Variants in KDM5B observed in about 807,000 individuals in gnomAD.
The protein encoded by KDM5B is lysine demethylase 5B.
Under a neutral mutation model 193.4 loss-of-function variants are expected in KDM5B, and 144 were observed. The ratio of observed to expected loss-of-function variants is 0.74; its 90% CI spans 0.65 to 0.86. The LOEUF (loss-of-function observed/expected upper bound fraction) is 0.86, where lower values mean the gene tolerates loss of function less well. Ranked by LOEUF, KDM5B falls within the 40% of genes least tolerant of loss-of-function variation. KDM5B has a pLI of 0.00. For synonymous variants in KDM5B, 668 were observed against 682.6 expected, an observed-to-expected ratio of 0.98 and a Z score of 0.33; for missense variants, 1,833 against 1,886.9, an observed-to-expected ratio of 0.97 and a Z score of 0.53.
At chr1:202,760,273 G>A in intron 8 of KDM5B, 142 bp downstream of exon 8, 1 of 572,502 alleles carries the variant, frequency 1.7e-6, no homozygotes, top group Non-Finnish European at 2.9e-6. Flanking sequence ...CCATGTTTGT[G>A]CCACTGCACT....
chr1:202,755,564 AG>A (rs1396270646), intron 10 of KDM5B, 112 bp from the exon 11 acceptor site: 1 of 845,828 alleles, frequency 1.2e-6, no homozygotes, highest in Non-Finnish European at 1.8e-6. Flanking sequence ...GTGGAAGAGG[AG>A]GGGCCACCAT....
intron 20 of KDM5B, among the ~76,000 whole-genome samples, chr1:202,736,606 G>A (rs576674448): frequency 1.3e-5 from 2 of 151,950 alleles, no homozygotes; most frequent in South Asian, 4.2e-4. Context: ...AGAGAACCTA[G>A]TTTGGGTCTT....
intron 1 of KDM5B, among the ~76,000 whole-genome samples, chr1:202,791,365 T>C (rs989707851): frequency 7.2e-5 from 11 of 152,190 alleles, no homozygotes; most frequent in African/African-American, 2.7e-4. Flanking sequence ...GAGTTGAGAC[T>C]TCAGAAATAT....
At chr1:202,761,824 C>CA (rs1478511858) in intron 7 of KDM5B, among the ~76,000 whole-genome samples, 1 of 152,180 alleles carries the variant, frequency 6.6e-6, no homozygotes, top group African/African-American at 2.4e-5. Flanking sequence ...TGCGGCACAT[C>CA]CTTATGGCAG....
At chr1:202,754,788 GATT>G (rs1239116900) in intron 11 of KDM5B, among the ~76,000 whole-genome samples, 33 of 152,308 alleles carry the variant, frequency 2.2e-4, no homozygotes, top group African/African-American at 7.7e-4. Context: ...AGGATCAAGT[GATT>G]CTCCTCCCTC....
At chr1:202,732,079 A>G in intron 23 of KDM5B, 140 bp from the exon 24 acceptor site, 1 of 606,034 alleles carries the variant, frequency 1.7e-6, no homozygotes, top group Non-Finnish European at 2.8e-6. Flanking sequence ...TCCCCTACTG[A>G]AGAGTCTCCT....
At chr1:202,789,600 A>AAGGGGAAAGGGTAGGGG (rs1657557163) in intron 1 of KDM5B, among the ~76,000 whole-genome samples, 2 of 916 alleles carry the variant, frequency 2.2e-3, no homozygotes, top group Non-Finnish European at 4.6e-3. Flanking sequence ...GAGGAAAGGG[A>AAGGGGAAAGGGTAGGGG]AGGGGAAAGG....
At chr1:202,785,407 T>C (rs1339818700) in intron 1 of KDM5B, among the ~76,000 whole-genome samples, 1 of 152,180 alleles carries the variant, frequency 6.6e-6, no homozygotes, top group Non-Finnish European at 1.5e-5. Flanking sequence ...CCATTTACCT[T>C]TACCTTGTAC....
chr1:202,774,432 G>T (rs541317551), intron 3 of KDM5B, among the ~76,000 whole-genome samples, 181 bp downstream of exon 3: 2 of 152,132 alleles, frequency 1.3e-5, no homozygotes, highest in African/African-American at 4.8e-5. Context: ...TGTAAACACA[G>T]GGTTTCCTTA....
intron 20 of KDM5B, among the ~76,000 whole-genome samples, chr1:202,738,055 G>A (rs1481588920): frequency 6.6e-6 from 1 of 152,118 alleles, no homozygotes; most frequent in Non-Finnish European, 1.5e-5. Flanking sequence ...GCAGAATACT[G>A]CATAACATTT....
Position 202,740,076 on chromosome 1 carries a change from C to T in KDM5B, c.3084+598G>A, listed in dbSNP as rs1177520072. ...CCGGGCAGAGGCGCCCCTCACCTCCCGGACGGGGCGGCTGGCCGGGCATGG... is the reference window on the plus strand; with the variant it reads ...CCGGGCAGAGGCGCCCCTCACCTCCTGGACGGGGCGGCTGGCCGGGCATGG... On this transcript the variant is annotated intron_variant, in intron 20 of 26. Coordinates refer to ENST00000367265, the MANE Select transcript of KDM5B (RefSeq NM_006618.5). 9.9e-5 allele frequency among the ~76,000 whole-genome samples: 15 copies of T among 151,908 alleles called. 2 individuals are homozygous for T. The highest frequency in any genetic ancestry group is 3.6e-4 in the African/African-American group (15 of 41,436).
intron 8 of KDM5B, among the ~76,000 whole-genome samples, chr1:202,759,820 A>C (rs1156560471): frequency 1.3e-5 from 2 of 152,222 alleles, no homozygotes; most frequent in Non-Finnish European, 2.9e-5. Context: ...AAGTTGTTCA[A>C]TGTTTTAATA....
In KDM5B at chr1:202,729,892, T is replaced by G; in HGVS notation, c.4312A>C (p.Ile1438Leu). ...ATGTCCTTGGGGTGGCTCAGTTTGA[T>G]TTTCTTCTTTTTGGGGGTCCGCATT... ...KKMRTPKKKK[I>L]KLSHPKDMNN... Residue 1438 changes from isoleucine to leucine, a missense_variant, in exon 26 of 27, where the codon ATC becomes CTC. Ile to Leu is a conservative substitution (Grantham distance 5). Coordinates refer to ENST00000367265, the MANE Select transcript of KDM5B (RefSeq NM_006618.5). 3.7e-6 allele frequency: 6 copies of G among 1,614,174 alleles called. No homozygotes were observed. The highest frequency in any genetic ancestry group is 5.1e-6 in the Non-Finnish European group (6 of 1,180,024).
chr1:202,773,201 T>G lies in KDM5B; in HGVS notation c.493A>C (p.Lys165Gln), dbSNP rs1196109560. 1 of 1,614,022 alleles carries G rather than the reference T, an allele frequency of 6.2e-7. No homozygotes were observed. Among genetic ancestry groups the G allele is most frequent in the Admixed American group, 1.7e-5 (1 of 60,016 alleles). ...CCTCTGATATGTGAGCCCACTGCTT[T>G]GCCAGGAGCAAACCCCATCTTGGTA... is the stretch of plus-strand genomic sequence containing the variant. ...IATKMGFAPGKAVGSHIRGHY... is the reference protein window; with the variant it reads ...IATKMGFAPGQAVGSHIRGHY... Residue 165 changes from lysine (K) to glutamine (Q), a missense_variant, in exon 4 of 27, where the codon AAA (lysine) becomes CAA (glutamine). Transcript: ENST00000367265.
intron 1 of KDM5B, among the ~76,000 whole-genome samples, chr1:202,778,052 G>A (rs1227922577): frequency 6.6e-6 from 1 of 151,992 alleles, no homozygotes; most frequent in Admixed American, 6.6e-5. Context: ...GCAGGCGCCT[G>A]TAGTCCCAGC....
chr1:202,779,833 A>C (rs1340081674), intron 1 of KDM5B, among the ~76,000 whole-genome samples: 1 of 150,946 alleles, frequency 6.6e-6, no homozygotes, highest in Non-Finnish European at 1.5e-5. Context: ...ATAAATAAAT[A>C]AATAAATAAA....
At chr1:202,799,657 CAA>C (rs35801525) in intron 1 of KDM5B, among the ~76,000 whole-genome samples, 4 of 139,060 alleles carry the variant, frequency 2.9e-5, no homozygotes, top group Non-Finnish European at 1.5e-5. Context: ...AACTCCATCT[CAA>C]AAAAAAAAAA....
intron 21 of KDM5B, 137 bp from the exon 22 acceptor site, chr1:202,735,724 AC>A: frequency 1.4e-6 from 1 of 714,454 alleles, no homozygotes; most frequent in Non-Finnish European, 2.3e-6. Flanking sequence ...GGAACATGCA[AC>A]CCTGAGGCTC....
At position 202,741,476 on chromosome 1, in the gene KDM5B, C is replaced by G; in HGVS notation, c.2836G>C (p.Val946Leu). 1 of 1,614,196 alleles carries G rather than the reference C, an allele frequency of 6.2e-7. No homozygotes were observed. The highest frequency in any genetic ancestry group is 8.5e-7 in the Non-Finnish European group (1 of 1,180,008). The change falls in exon 19 of 27, where the codon GTA becomes CTA. Residue 946 changes from valine (V) to leucine (L), a missense_variant. By Grantham distance (32) the Val-to-Leu change is conservative. This residue lies in a region of KDM5B where 1,379 missense variants were observed against 1,349.6 expected (regional missense o/e 1.02). Transcript: ENST00000367265. ...DDMRRLIDLGVGLAPYSAVEK... is the reference protein window; with the variant it reads ...DDMRRLIDLGLGLAPYSAVEK... ...ACTGCTGAATACGGGGCCAGCCCTACCCCTAGGTCTATGAGACGTCTCATA... is the reference window on the plus strand; with the variant it reads ...ACTGCTGAATACGGGGCCAGCCCTAGCCCTAGGTCTATGAGACGTCTCATA...
Sources: gnomAD v4.1 joint callset for allele counts (sites outside exome capture counted in the v4.1 genomes callset) on GRCh38, gnomAD v4.1.1 for gene constraint, gnomAD v4.1.1 regional missense constraint, MANE v1.5 for transcripts, NCBI Gene and HGNC (gene_info 2026-07-23, HGNC 2026-07-21) for gene names.